SACM1L: variants seen among roughly 807,000 people sequenced by gnomAD.
SACM1L encodes the protein phosphatidylinositol-3-phosphatase SAC1.
SACM1L carries 32 observed loss-of-function variants against 89.5 expected under a neutral mutation model. The ratio of observed to expected loss-of-function variants is 0.36; its 90% CI spans 0.27 to 0.48. The LOEUF (loss-of-function observed/expected upper bound fraction) is 0.48, where lower values mean the gene tolerates loss of function less well. Among genes scored for constraint, SACM1L ranks in the 20% least tolerant of loss-of-function variants. The pLI is 0.99. For missense variants in SACM1L, 543 were observed against 708.5 expected (o/e 0.77, Z 2.65); for synonymous variants, 213 against 232.8 (o/e 0.92, Z 0.77).
At chr3:45,706,293 T>C (rs1440768359) in intron 3 of SACM1L, among the ~76,000 whole-genome samples, 2 of 152,190 alleles carry the variant, frequency 1.3e-5, no homozygotes, top group Admixed American at 1.3e-4. Flanking sequence ...CCTTGTAATA[T>C]TGCAGCAGCC....
At chr3:45,713,000 G>A in intron 5 of SACM1L, 137 bp from the exon 6 acceptor site, 1 of 611,270 alleles carries the variant, frequency 1.6e-6, no homozygotes, top group East Asian at 2.9e-5. Flanking sequence ...ATTTGCGGGG[G>A]AGATGTATTT....
intron 7 of SACM1L, among the ~76,000 whole-genome samples, chr3:45,715,080 C>A (rs1698619265): frequency 6.6e-6 from 1 of 152,150 alleles, no homozygotes; most frequent in Non-Finnish European, 1.5e-5. Flanking sequence ...ATGGGCTATA[C>A]CGTGTAGCCT....
rs544366227 is a variant in SACM1L at position 45,719,493 on chromosome 3, G to A, written c.578-7G>A. On this transcript the variant is annotated splice_polypyrimidine_tract_variant and splice_region_variant and intron_variant, in intron 7 of 19. Transcript: ENST00000389061. ...TTATATGTTATATTTTTCTTAATGT[G>A]GTTAAGTTATTACCATGCATTCATG... The A allele has an allele frequency of 2.2e-4, 327 of 1,491,158 alleles. 2 individuals are homozygous for A. The South Asian group carries it at 3.8e-3, about 17-fold the overall frequency. The allele number at this position is 1,491,158 out of a possible 1,614,324, so 92.4% of individuals were successfully genotyped here.
intron 4 of SACM1L, among the ~76,000 whole-genome samples, chr3:45,708,337 T>G (rs1698446246): frequency 6.6e-6 from 1 of 152,160 alleles, no homozygotes; most frequent in Admixed American, 6.5e-5. Context: ...TCAACATTGT[T>G]TAGAGATATA....
chr3:45,707,308 T>G (rs1392968752), intron 4 of SACM1L: 1 of 160,922 alleles, frequency 6.2e-6, no homozygotes, highest in African/African-American at 2.4e-5. Context: ...TGAATGTAAG[T>G]GTGTGTGTGT....
At position 45,731,388 on chromosome 3, in the gene SACM1L, A is replaced by G. The variant is rs776005987; in HGVS notation, c.1001+8A>G. 3 of 1,598,936 alleles carry G rather than the reference A, an allele frequency of 1.9e-6. No individual in the cohort carries two copies. The highest frequency in any genetic ancestry group is 2.6e-6 in the Non-Finnish European group (3 of 1,166,996). On this transcript the variant is annotated splice_region_variant and intron_variant, in intron 12 of 19. Transcript: ENST00000389061. Reference sequence around the variant, plus strand: ...GGGAAGTGGAATGATGAGGTACCTCACTAGAAATCTGTTGCAGGTCTTTTC... The same window carrying G: ...GGGAAGTGGAATGATGAGGTACCTCGCTAGAAATCTGTTGCAGGTCTTTTC...
intron 1 of SACM1L, among the ~76,000 whole-genome samples, chr3:45,692,219 G>A (rs9876474): frequency 0.3 from 46,328 of 152,002 alleles, 7,554 homozygotes; most frequent in East Asian, 0.54. Context: ...CTTGTTTTGT[G>A]TCCTGGGCAT....
chr3:45,731,451 A>ATAT, intron 12 of SACM1L, 71 bp downstream of exon 12: 1 of 913,494 alleles, frequency 1.1e-6, no homozygotes, highest in Non-Finnish European at 1.7e-6. Context: ...ATGATTACAT[A>ATAT]GAGCTCACTA....
chr3:45,731,292 T>G lies in SACM1L; in HGVS notation c.922-9T>G, dbSNP rs1699048014. 6.2e-7 allele frequency: 1 copy of G among 1,600,854 alleles called. No homozygotes were observed. The highest frequency in any genetic ancestry group is 8.5e-7 in the Non-Finnish European group (1 of 1,172,078). ...AACTGGAAACTATGGTGTTTGAAAT[T>G]TTTTACAGATTAACCAGAAGGGCTC... is the stretch of plus-strand genomic sequence containing the variant. On this transcript the variant is annotated splice_polypyrimidine_tract_variant and intron_variant, in intron 11 of 19. Transcript: ENST00000389061.
chr3:45,695,266 C>CT (rs11366079), intron 1 of SACM1L, among the ~76,000 whole-genome samples: 45 of 147,422 alleles, frequency 3.1e-4, no homozygotes, highest in South Asian at 1.1e-3. Context: ...TGATTTAATT[C>CT]TTTTTTTTTT....
At chr3:45,734,645 A>G (rs1407784126) in intron 13 of SACM1L, 1 of 151,612 alleles carries the variant, frequency 6.6e-6, no homozygotes, top group Non-Finnish European at 1.5e-5. Context: ...GGGACTCGTT[A>G]TGTTGTCCAG....
chr3:45,709,727 T>C (rs1300645506), intron 5 of SACM1L, 80 bp downstream of exon 5: 2 of 1,299,838 alleles, frequency 1.5e-6, no homozygotes, highest in East Asian at 2.4e-5. Context: ...AAATTTATAT[T>C]GATTTTTCTC....
chr3:45,736,364 C>G (rs978521044), intron 14 of SACM1L, among the ~76,000 whole-genome samples: 1 of 151,988 alleles, frequency 6.6e-6, no homozygotes, highest in African/African-American at 2.4e-5. Flanking sequence ...AGATGTAGAG[C>G]CCCAATTTTT....
At chr3:45,725,754 C>T (rs1322834862) in intron 11 of SACM1L, among the ~76,000 whole-genome samples, 9 of 151,522 alleles carry the variant, frequency 5.9e-5, no homozygotes, top group African/African-American at 2.2e-4. Flanking sequence ...ATTGTGAAAG[C>T]AAGCATCCTT....
intron 5 of SACM1L, among the ~76,000 whole-genome samples, chr3:45,710,480 A>C (rs1393567995): frequency 6.8e-6 from 1 of 146,464 alleles, no homozygotes; most frequent in Non-Finnish European, 1.5e-5. Context: ...GGCGTGAGCC[A>C]CTGTGCCTGC....
rs762472005 is a variant in SACM1L, at chr3:45,722,873, G to A, written c.770G>A (p.Arg257Gln). 5.6e-6 allele frequency: 9 copies of A among 1,610,246 alleles called. No homozygotes were observed. The highest frequency in any genetic ancestry group is 1.1e-5 in the South Asian group (1 of 90,866). The change falls in exon 10 of 20, where the codon CGA becomes CAA. Residue 257 changes from arginine (R) to glutamine (Q), a missense_variant. Physicochemically the swap from Arg to Gln is conservative, Grantham distance 43. Coordinates refer to ENST00000389061, the MANE Select transcript of SACM1L (RefSeq NM_014016.5). ...NGSKASFVQT[R>Q]GSIPVFWSQR... Reference sequence around the variant, plus strand: ...CATTTCTCTCTTTTCTTTTAGACTCGAGGATCAATACCTGTTTTCTGGTCC... The same window carrying A: ...CATTTCTCTCTTTTCTTTTAGACTCAAGGATCAATACCTGTTTTCTGGTCC...
At chr3:45,731,507 T>C (rs1363270029) in intron 12 of SACM1L, 127 bp downstream of exon 12, 1 of 500,418 alleles carries the variant, frequency 2.0e-6, no homozygotes, top group Non-Finnish European at 3.5e-6. Context: ...GATCAAAGCA[T>C]GATATTTTGT....
At chr3:45,707,282 C>G (rs1293599838) in intron 4 of SACM1L, 2 of 171,232 alleles carry the variant, frequency 1.2e-5, no homozygotes, top group Non-Finnish European at 2.5e-5. Context: ...GAGGTTTTCT[C>G]TATTTTTACC....
At chr3:45,720,787 T>G (rs1698772056) in intron 8 of SACM1L, among the ~76,000 whole-genome samples, 1 of 152,228 alleles carries the variant, frequency 6.6e-6, no homozygotes, top group African/African-American at 2.4e-5. Context: ...CATTGCTGAT[T>G]TGGCTCAATA....
Sources: gnomAD v4.1 joint callset for allele counts (sites outside exome capture counted in the v4.1 genomes callset) on GRCh38, gnomAD v4.1.1 for gene constraint, MANE v1.5 for transcripts, NCBI Gene and HGNC (gene_info 2026-07-23, HGNC 2026-07-21) for gene names.